Variants in CNTNAP2 observed in about 807,000 individuals in gnomAD.
CNTNAP2 encodes the protein contactin-associated protein-like 2.
CNTNAP2 carries 98 observed loss-of-function variants against 155.2 expected under a neutral mutation model. That is an observed-to-expected ratio of 0.63 (90% CI 0.54 to 0.75). The LOEUF (loss-of-function observed/expected upper bound fraction) is 0.75, where lower values mean the gene tolerates loss of function less well. CNTNAP2 is among the 30% of genes least tolerant of loss of function. CNTNAP2 has a pLI of 0.00. For synonymous variants in CNTNAP2, 651 were observed against 631.2 expected (o/e 1.03, Z -0.47); for missense variants, 1,727 against 1,688.1 (o/e 1.02, Z -0.40).
intron 8 of CNTNAP2, among the ~76,000 whole-genome samples, chr7:147,284,677 T>C (rs1805136872): frequency 6.6e-6 from 1 of 151,966 alleles, no homozygotes; most frequent in Non-Finnish European, 1.5e-5. Context: ...GTTACTTCAC[T>C]CACATAAATA....
chr7:147,187,511 A>T (rs1408963375), intron 8 of CNTNAP2, among the ~76,000 whole-genome samples: 1 of 152,174 alleles, frequency 6.6e-6, no homozygotes, highest in Non-Finnish European at 1.5e-5. Context: ...TAACCTAGAA[A>T]CAGAAAACCA....
chr7:147,449,518 A>C (rs1797796703), intron 10 of CNTNAP2, among the ~76,000 whole-genome samples: 1 of 152,190 alleles, frequency 6.6e-6, no homozygotes, highest in East Asian at 1.9e-4. Context: ...TATCCAGCTA[A>C]AAGTTAAAAG....
intron 8 of CNTNAP2, among the ~76,000 whole-genome samples, chr7:147,271,517 CT>C (rs1291697284): frequency 1.3e-5 from 2 of 152,092 alleles, no homozygotes; most frequent in Non-Finnish European, 2.9e-5. Flanking sequence ...TTTCACACTG[CT>C]GGTAAAAACG....
intron 16 of CNTNAP2, among the ~76,000 whole-genome samples, chr7:148,146,727 C>A (rs959839544): frequency 6.6e-6 from 1 of 151,994 alleles, no homozygotes; most frequent in African/African-American, 2.4e-5. Context: ...ATGTAGGTCA[C>A]CCTCATTACA....
chr7:146,323,368 C>T (rs1380762146), intron 1 of CNTNAP2, among the ~76,000 whole-genome samples: 5 of 151,776 alleles, frequency 3.3e-5, no homozygotes, highest in Non-Finnish European at 1.5e-5. Context: ...CGGTGTTATG[C>T]AATATCTTTA....
intron 9 of CNTNAP2, among the ~76,000 whole-genome samples, chr7:147,306,036 A>G (rs1380774676): frequency 6.6e-6 from 1 of 152,134 alleles, no homozygotes; most frequent in Non-Finnish European, 1.5e-5. Context: ...GGGATTAGGT[A>G]TCATCCTAAT....
intron 16 of CNTNAP2, among the ~76,000 whole-genome samples, chr7:148,143,044 A>G (rs1160007926): frequency 6.6e-6 from 1 of 152,216 alleles, no homozygotes; most frequent in Non-Finnish European, 1.5e-5. Context: ...TTCTCCCTGT[A>G]ATGATTCAGT....
intron 1 of CNTNAP2, among the ~76,000 whole-genome samples, chr7:146,665,060 T>C (rs1393105935): frequency 6.6e-6 from 1 of 152,150 alleles, no homozygotes; most frequent in Non-Finnish European, 1.5e-5. Flanking sequence ...GCGCTTCTCG[T>C]GCCTTAGCCT....
intron 8 of CNTNAP2, among the ~76,000 whole-genome samples, chr7:147,135,893 A>C (rs1193470018): frequency 6.6e-6 from 1 of 151,634 alleles, no homozygotes; most frequent in African/African-American, 2.4e-5. Flanking sequence ...TGGAATTTTT[A>C]AAAGTTTTAG....
intron 3 of CNTNAP2, among the ~76,000 whole-genome samples, chr7:147,032,214 A>G (rs1179903012): frequency 6.6e-6 from 1 of 152,244 alleles, no homozygotes; most frequent in African/African-American, 2.4e-5. Context: ...GAGATCAAAT[A>G]GTAAACATTA....
At chr7:147,359,345 T>C (rs1248399098) in intron 9 of CNTNAP2, among the ~76,000 whole-genome samples, 1 of 152,162 alleles carries the variant, frequency 6.6e-6, no homozygotes, top group African/African-American at 2.4e-5. Context: ...CCTATAGCTG[T>C]CACCTCGCTT....
At chr7:148,387,286 CTGAATTTGGACTTTA>C (rs1394779532) in intron 22 of CNTNAP2, among the ~76,000 whole-genome samples, 1 of 152,162 alleles carries the variant, frequency 6.6e-6, no homozygotes, top group Non-Finnish European at 1.5e-5. Flanking sequence ...GGTCATCATT[CTGAATTTGGACTTTA>C]CGGTTTTGCA....
intron 1 of CNTNAP2, among the ~76,000 whole-genome samples, chr7:146,125,436 C>T (rs796742514): frequency 4.6e-5 from 7 of 151,638 alleles, no homozygotes; most frequent in African/African-American, 1.7e-4. Context: ...ATTAGCCGGG[C>T]GTTGTGGCGG....
intron 1 of CNTNAP2, among the ~76,000 whole-genome samples, chr7:146,712,685 TA>T (rs1251470356): frequency 1.3e-5 from 2 of 151,902 alleles, no homozygotes; most frequent in Non-Finnish European, 2.9e-5. Flanking sequence ...TAGTTTAAGA[TA>T]AAATAAATAG....
intron 1 of CNTNAP2, among the ~76,000 whole-genome samples, chr7:146,529,888 C>T (rs1191877721): frequency 6.6e-6 from 1 of 151,992 alleles, no homozygotes; most frequent in East Asian, 1.9e-4. Context: ...TTTCTTGAAC[C>T]CAGGAGGCAG....
intron 4 of CNTNAP2, among the ~76,000 whole-genome samples, chr7:147,094,110 A>G (rs1291217406): frequency 6.6e-6 from 1 of 152,072 alleles, no homozygotes; most frequent in Non-Finnish European, 1.5e-5. Context: ...CCGCAACCCC[A>G]TGGCACCTCT....
intron 9 of CNTNAP2, among the ~76,000 whole-genome samples, chr7:147,365,383 GAA>G (rs10557373): frequency 0.012 from 1,124 of 93,636 alleles, 10 homozygotes; most frequent in African/African-American, 0.012. Context: ...ATCTCAAAAA[GAA>G]AAAAAAAAAA....
At chr7:147,060,494 A>G (rs1252333770) in intron 4 of CNTNAP2, among the ~76,000 whole-genome samples, 1 of 152,130 alleles carries the variant, frequency 6.6e-6, no homozygotes, top group East Asian at 1.9e-4. Context: ...AGGCAAACAC[A>G]GGTGGAGCAC....
At chr7:147,351,558 T>C (rs543554134) in intron 9 of CNTNAP2, among the ~76,000 whole-genome samples, 2 of 152,006 alleles carry the variant, frequency 1.3e-5, no homozygotes, top group African/African-American at 4.8e-5. Context: ...GTAGTATTTG[T>C]ATTTCTGTAA....
Sources: allele counts gnomAD v4.1 joint callset (sites outside exome capture counted in the v4.1 genomes callset), GRCh38; gene constraint gnomAD v4.1.1; transcripts MANE v1.5; gene names NCBI Gene and HGNC (gene_info 2026-07-23, HGNC 2026-07-21).